Variants in ADAM15 observed in about 807,000 individuals in gnomAD.
ADAM15 encodes the protein disintegrin and metalloproteinase domain-containing protein 15.
Under a neutral mutation model 113.8 loss-of-function variants are expected in ADAM15, and 77 were observed. The ratio of observed to expected loss-of-function variants is 0.68; its 90% CI spans 0.56 to 0.82. The LOEUF is 0.82. Among genes scored for constraint, ADAM15 ranks in the 40% least tolerant of loss-of-function variants. The probability of loss-of-function intolerance (pLI) is 0.00; values close to 1 mark genes in which losing one functional copy is unlikely to be tolerated. For synonymous variants in ADAM15, 388 were observed against 454.1 expected (o/e 0.85, Z 1.85); for missense variants, 963 against 1,120.1 (o/e 0.86, Z 2.00).
chr1:155,057,319 T>A lies in ADAM15; in HGVS notation c.1280T>A (p.Met427Lys). 3 of 1,614,168 alleles carry A rather than the reference T, an allele frequency of 1.9e-6. No individual in the cohort carries two copies. Among genetic ancestry groups the A allele is most frequent in the Non-Finnish European group, 2.5e-6 (3 of 1,180,014 alleles). The change falls in exon 12 of 23, where the codon ATG becomes AAG. Residue 427 changes from methionine (M) to lysine (K), a missense_variant. By Grantham distance (95) the Met-to-Lys change is moderately conservative. Coordinates refer to ENST00000356955, the MANE Select transcript of ADAM15 (RefSeq NM_207197.3). The surrounding 1 kb of genome is among the most constrained non-coding windows in gnomAD (Gnocchi z 5.0). ...CCTATGGCTGCTTTCTGCGGAAATA[T>A]GTTTGTGGAGCCGGGCGAGCAGTGT... ...LPPMAAFCGN[M>K]FVEPGEQCDC...
rs1661438533 is a variant in ADAM15 at position 155,054,038 on chromosome 1, G to A, written c.342+50G>A. The A allele has an allele frequency of 2.5e-6, 4 of 1,612,982 alleles. No individual in the cohort carries two copies. In the Admixed American group the frequency reaches 5.0e-5, roughly 20 times the overall value. ...TTTTGGCTTAGGGGAAAGAGGGAGG[G>A]GGTGGCTGGAAGGTGAGAGGACACT... is the stretch of plus-strand genomic sequence containing the variant. On this transcript the variant is annotated intron_variant, in intron 4 of 22. Coordinates refer to ENST00000356955, the MANE Select transcript of ADAM15 (RefSeq NM_207197.3).
intron 20 of ADAM15, 71 bp downstream of exon 20, chr1:155,061,560 C>A: frequency 6.8e-7 from 1 of 1,468,684 alleles, no homozygotes; most frequent in Non-Finnish European, 9.4e-7. Flanking sequence ...CAGTTCTCAT[C>A]CCTGCTCCCT....
At chr1:155,055,684 C>T in intron 6 of ADAM15, 106 bp from the exon 7 acceptor site, 1 of 1,267,758 alleles carries the variant, frequency 7.9e-7, no homozygotes, top group South Asian at 1.2e-5. Context: ...GCTCTTCACC[C>T]TCCTATTTGA....
At chr1:155,061,249 CCTCCCCACTCG>C (rs1463055608) in intron 19 of ADAM15, 155 bp from the exon 20 acceptor site, 27 of 599,100 alleles carry the variant, frequency 4.5e-5, no homozygotes, top group African/African-American at 3.7e-5. Flanking sequence ...GTGCACACCT[CCTCCCCACTCG>C]CTCCCCACCT....
Position 155,057,972 on chromosome 1 carries a change from C to T in ADAM15, c.1538C>T (p.Ala513Val), listed in dbSNP as rs1288000619. The change falls in exon 14 of 23, where the codon GCT (alanine) becomes GTT (valine). Residue 513 changes from alanine (A) to valine (V), a missense_variant. Ala to Val is a moderately conservative substitution (Grantham distance 64). Transcript: ENST00000356955. This position sits in a 1 kb window ranked among gnomAD's most constrained non-coding sequence, Gnocchi z 5.0. ...AGCCTAGGGGATGGCGAGCCCTGCGCTGGCGGGCAAGCTGTGTGCATGCAC... is the reference window on the plus strand; with the variant it reads ...AGCCTAGGGGATGGCGAGCCCTGCGTTGGCGGGCAAGCTGTGTGCATGCAC... The part of the protein sequence containing the change: ...DVSLGDGEPC[A>V]GGQAVCMHGR... The T allele has an allele frequency of 6.2e-7, 1 of 1,612,986 alleles. No individual in the cohort carries two copies. Among genetic ancestry groups the T allele is most frequent in the Admixed American group, 1.7e-5 (1 of 60,032 alleles).
Position 155,058,370 on chromosome 1 carries a change from C to A in ADAM15, c.1846C>A (p.His616Asn), listed in dbSNP as rs1214662155. 2.5e-6 allele frequency: 4 copies of A among 1,613,962 alleles called. No individual in the cohort carries two copies. The South Asian group carries it at 4.4e-5, about 18-fold the overall frequency. ...NGTELNCSWV[H>N]LDLGSDVAQP... is the part of the protein sequence containing the mutation. ...GACTGAGCTGAACTGCAGCTGGGTG[C>A]ACCTGGACCTGGGCAGTGATGTGGC... is the stretch of plus-strand genomic sequence containing the variant. Residue 616 changes from histidine to asparagine, a missense_variant, in exon 15 of 23, where the codon CAC becomes AAC. Physicochemically the swap from His to Asn is moderately conservative, Grantham distance 68. Coordinates refer to ENST00000356955, the MANE Select transcript of ADAM15 (RefSeq NM_207197.3). The surrounding 1 kb of genome is among the most constrained non-coding windows in gnomAD (Gnocchi z 4.3).
At chr1:155,054,948 T>C (rs1661568461) in intron 6 of ADAM15, among the ~76,000 whole-genome samples, 1 of 152,008 alleles carries the variant, frequency 6.6e-6, no homozygotes, top group Admixed American at 6.5e-5. Flanking sequence ...CTACAACTAA[T>C]AAATGGCCTA....
chr1:155,061,336 C>T, intron 19 of ADAM15, 79 bp from the exon 20 acceptor site: 2 of 1,135,374 alleles, frequency 1.8e-6, no homozygotes, highest in Non-Finnish European at 2.6e-6. Context: ...CCCCCCTGGG[C>T]ACTGACCCTT....
At position 155,057,383 on chromosome 1, in the gene ADAM15, C is replaced by A; in HGVS notation, c.1323+21C>A. 1 of 1,613,590 alleles carries A rather than the reference C, an allele frequency of 6.2e-7. No individual in the cohort carries two copies. ...TGGATGTGAGCCCCTTTCCCAAAGC[C>A]TCGCCCCACTCACTTCTGTACCCTC... On this transcript the variant is annotated intron_variant, in intron 12 of 22. Transcript: ENST00000356955. This position sits in a 1 kb window ranked among gnomAD's most constrained non-coding sequence, Gnocchi z 5.0.
chr1:155,060,305 G>A lies in ADAM15; in HGVS notation c.2169G>A (p.Gln723=). 6.2e-7 allele frequency: 1 copy of A among 1,614,122 alleles called. No individual in the cohort carries two copies. The highest frequency in any genetic ancestry group is 1.7e-5 in the Admixed American group (1 of 60,016). ...ASYWYRARLH[Q]RLCQLKGPTC... is the part of the protein sequence containing the mutation. ...ACTGGTACCGTGCCCGCCTGCACCA[G>A]CGACTCTGCCAGCTCAAGGGACCCA... Residue 723 remains glutamine (Q), a synonymous_variant, in exon 18 of 23, where the codon CAG becomes CAA. Coordinates refer to ENST00000356955, the MANE Select transcript of ADAM15 (RefSeq NM_207197.3).
At position 155,059,931 on chromosome 1, in the gene ADAM15, T is replaced by A. The variant is rs1382678592; in HGVS notation, c.2025T>A (p.Cys675Ter). Residue 675 changes from cysteine to a stop codon, truncating the protein, a stop_gained, in exon 17 of 23, where the codon TGT becomes TGA. Coordinates refer to ENST00000356955, the MANE Select transcript of ADAM15 (RefSeq NM_207197.3). LOFTEE classifies it high-confidence loss of function. ...GTGACAGCAACAGGCACTGCTACTG[T>A]GAGGAGGGCTGGGCACCCCCTGACT... ...GVCDSNRHCY[C>*]EEGWAPPDCT... 6.2e-7 allele frequency: 1 copy of A among 1,613,892 alleles called. No homozygotes were observed. The highest frequency in any genetic ancestry group is 8.5e-7 in the Non-Finnish European group (1 of 1,179,960).
Position 155,062,443 on chromosome 1 carries a change from G to A in ADAM15, c.2550-17G>A. The A allele has an allele frequency of 1.2e-6, 2 of 1,613,132 alleles. No individual in the cohort carries two copies. Among genetic ancestry groups the A allele is most frequent in the Non-Finnish European group, 1.7e-6 (2 of 1,179,902 alleles). ...AAGGGGCCTCTGACTCTTTTTTCTT[G>A]GCTTCCCGCAATCCAGACCAGCGCC... On this transcript the variant is annotated splice_polypyrimidine_tract_variant and intron_variant, in intron 22 of 22. Transcript: ENST00000356955. This position sits in a 1 kb window ranked among gnomAD's most constrained non-coding sequence, Gnocchi z 7.0.
chr1:155,061,813 G>T, intron 20 of ADAM15, 91 bp from the exon 21 acceptor site: 1 of 1,349,104 alleles, frequency 7.4e-7, no homozygotes. Flanking sequence ...GGCTGACTTT[G>T]CATGTTGACT....
At position 155,058,123 on chromosome 1, in the gene ADAM15, C is replaced by A. The variant is rs149853516; in HGVS notation, c.1689C>A (p.Asn563Lys). ...RGNAFGSCGR[N>K]PSGSYVSCTP... Reference sequence around the variant, plus strand: ...ATGCTTTTGGGAGCTGTGGGCGCAACCCCAGTGGCAGTTATGTGTCCTGCA... The same window carrying A: ...ATGCTTTTGGGAGCTGTGGGCGCAAACCCAGTGGCAGTTATGTGTCCTGCA... Residue 563 changes from asparagine to lysine, a missense_variant, in exon 14 of 23, where the codon AAC becomes AAA. By Grantham distance (94) the Asn-to-Lys change is moderately conservative (BLOSUM62 0). Coordinates refer to ENST00000356955, the MANE Select transcript of ADAM15 (RefSeq NM_207197.3). This position sits in a 1 kb window ranked among gnomAD's most constrained non-coding sequence, Gnocchi z 4.3. 1.7e-3 allele frequency: 2,817 copies of A among 1,613,402 alleles called. 7 individuals carry two copies. Among genetic ancestry groups the A allele is most frequent in the Non-Finnish European group, 2.2e-3 (2,604 of 1,179,392 alleles).
intron 1 of ADAM15, chr1:155,052,422 C>G: frequency 7.2e-7 from 1 of 1,382,562 alleles, no homozygotes; most frequent in Non-Finnish European, 9.8e-7. Context: ...ACAAGGAGGG[C>G]CACAGGCTGC....
At chr1:155,059,867 G>A (rs1379064628) in intron 16 of ADAM15, 35 bp from the exon 17 acceptor site, 4 of 1,602,952 alleles carry the variant, frequency 2.5e-6, no homozygotes, top group Non-Finnish European at 3.4e-6. Context: ...GTTCCAGAGT[G>A]CAGAGCTCCT....
rs552602545 is a variant in ADAM15, at chr1:155,056,244, G to A, written c.909G>A (p.Leu303=). 1.1e-5 allele frequency: 17 copies of A among 1,613,876 alleles called. No individual in the cohort carries two copies. Among genetic ancestry groups the A allele is most frequent in the Admixed American group, 1.7e-5 (1 of 60,018 alleles). Residue 303 remains leucine, a synonymous_variant, in exon 9 of 23, where the codon CTG becomes CTA. Coordinates refer to ENST00000356955, the MANE Select transcript of ADAM15 (RefSeq NM_207197.3). The surrounding 1 kb of genome is among the most constrained non-coding windows in gnomAD (Gnocchi z 4.0). Reference sequence around the variant, plus strand: ...GATTGCCCCATGACAGTGCCCAGCTGGTGACGTAAGGGCCCCAGACTCAGC... The same window carrying A: ...GATTGCCCCATGACAGTGCCCAGCTAGTGACGTAAGGGCCCCAGACTCAGC... ...LPRLPHDSAQ[L]VTGTSFSGPT...
chr1:155,061,471 T>C lies in ADAM15; in HGVS notation c.2334T>C (p.Pro778=). The C allele has an allele frequency of 6.2e-7, 1 of 1,613,634 alleles. No homozygotes were observed. The highest frequency in any genetic ancestry group is 1.7e-4 in the Middle Eastern group (1 of 6,058). ...APPSRPLPPD[P]VSKRLQAELA... Reference sequence around the variant, plus strand: ...CTTCCAGGCCGCTGCCGCCTGACCCTGTGTCCAAGAGACTCCAGGTAAATC... The same window carrying C: ...CTTCCAGGCCGCTGCCGCCTGACCCCGTGTCCAAGAGACTCCAGGTAAATC... The change falls in exon 20 of 23, where the codon CCT becomes CCC. Residue 778 remains proline, a synonymous_variant. Transcript: ENST00000356955.
rs1661175614 is a variant in ADAM15, at chr1:155,052,453, G to A, written c.80-218G>A. ...GCTGCGCAAGCCGAAAGTCTTTCTT[G>A]GGGACTTGTGAATGGGTTGGTGGGT... is the stretch of plus-strand genomic sequence containing the variant. On this transcript the variant is annotated intron_variant, in intron 1 of 22. Transcript: ENST00000356955. 6 of 1,503,128 alleles carry A rather than the reference G, an allele frequency of 4.0e-6. No homozygotes were observed. The South Asian group carries it at 6.1e-5, about 15-fold the overall frequency. The allele number at this position is 1,503,128 out of a possible 1,614,324, so 93.1% of individuals were successfully genotyped here.
Sources: gnomAD v4.1 joint callset for allele counts (sites outside exome capture counted in the v4.1 genomes callset) on GRCh38, gnomAD v4.1.1 for gene constraint, Gnocchi (gnomAD v3.1) non-coding constraint, MANE v1.5 for transcripts, NCBI Gene and HGNC (gene_info 2026-07-23, HGNC 2026-07-21) for gene names.